Variants in SLC8A1 observed in about 807,000 individuals in gnomAD.
SLC8A1 encodes solute carrier family 8 member A1.
SLC8A1 carries 18 observed loss-of-function variants against 68.3 expected under a neutral mutation model. The observed-to-expected ratio is 0.26, with a 90% confidence interval of 0.18 to 0.39. The LOEUF (loss-of-function observed/expected upper bound fraction) is 0.39. Among genes scored for constraint, SLC8A1 ranks in the 10% least tolerant of loss-of-function variants. The pLI, the probability that SLC8A1 is intolerant of heterozygous loss-of-function variation, is 1.00. For synonymous variants in SLC8A1, 475 were observed against 415.5 expected (o/e 1.14, Z -1.74); for missense variants, 985 against 1,156.7 (o/e 0.85, Z 2.15).
intron 2 of SLC8A1, among the ~76,000 whole-genome samples, chr2:40,223,221 A>G (rs1206166802): frequency 6.6e-6 from 1 of 152,244 alleles, no homozygotes; most frequent in African/African-American, 2.4e-5. Flanking sequence ...TTGCAGGGAC[A>G]TGGATGAAGT....
At chr2:40,154,007 A>G (rs2043938554) in intron 6 of SLC8A1, among the ~76,000 whole-genome samples, 1 of 152,196 alleles carries the variant, frequency 6.6e-6, no homozygotes. Flanking sequence ...AACCTAAACT[A>G]AAGTTGTAGG....
At chr2:40,206,496 C>G (rs2055476217) in intron 2 of SLC8A1, among the ~76,000 whole-genome samples, 1 of 152,000 alleles carries the variant, frequency 6.6e-6, no homozygotes, top group Non-Finnish European at 1.5e-5. Flanking sequence ...AAGGATTCTT[C>G]CTTCTTTTTA....
chr2:40,511,763 A>C (rs1706740868), intron 1 of SLC8A1, among the ~76,000 whole-genome samples: 2 of 152,182 alleles, frequency 1.3e-5, no homozygotes, highest in Non-Finnish European at 2.9e-5. Flanking sequence ...AGCAACTTCA[A>C]CTTGCGTAAG....
chr2:40,279,306 A>T (rs2067188869), intron 2 of SLC8A1, among the ~76,000 whole-genome samples: 1 of 152,220 alleles, frequency 6.6e-6, no homozygotes, highest in Non-Finnish European at 1.5e-5. Flanking sequence ...AAGCAGGCAC[A>T]GGGCACTTGG....
intron 2 of SLC8A1, among the ~76,000 whole-genome samples, chr2:40,332,210 T>A (rs2076488003): frequency 6.6e-6 from 1 of 152,160 alleles, no homozygotes; most frequent in African/African-American, 2.4e-5. Flanking sequence ...CCTTTCTAAA[T>A]GTCACAGGCT....
chr2:40,396,213 T>C (rs909834931), intron 2 of SLC8A1, among the ~76,000 whole-genome samples: 2 of 152,172 alleles, frequency 1.3e-5, no homozygotes, highest in Non-Finnish European at 2.9e-5. Flanking sequence ...GTAGCAAATA[T>C]GCATTCAATT....
At chr2:40,271,937 G>C (rs528580795) in intron 2 of SLC8A1, among the ~76,000 whole-genome samples, 2 of 152,006 alleles carry the variant, frequency 1.3e-5, no homozygotes, top group African/African-American at 4.8e-5. Context: ...AACCGTCATA[G>C]CTCACTGCAG....
At chr2:40,305,901 A>T (rs368940619) in intron 2 of SLC8A1, among the ~76,000 whole-genome samples, 1 of 152,222 alleles carries the variant, frequency 6.6e-6, no homozygotes, top group Non-Finnish European at 1.5e-5. Flanking sequence ...GCACATTCCT[A>T]TCAGACAACA....
At chr2:40,322,845 CA>C in intron 2 of SLC8A1, among the ~76,000 whole-genome samples, 4 of 151,356 alleles carry the variant, frequency 2.6e-5, no homozygotes, top group East Asian at 3.9e-4. Context: ...CACACACACA[CA>C]CACACCACAC....
At chr2:40,129,234 ATT>A (rs66846961) in intron 7 of SLC8A1, among the ~76,000 whole-genome samples, 41 of 144,018 alleles carry the variant, frequency 2.8e-4, no homozygotes, top group African/African-American at 3.3e-4. Context: ...GAGATGTTTC[ATT>A]TTTTTTTTTT....
intron 2 of SLC8A1, among the ~76,000 whole-genome samples, chr2:40,216,354 A>C (rs930097709): frequency 6.6e-6 from 1 of 152,198 alleles, no homozygotes; most frequent in African/African-American, 2.4e-5. Context: ...TCATGGTTGC[A>C]GAGTATTCCA....
At chr2:40,452,433 G>A (rs976637858), upstream of SLC8A1, among the ~76,000 whole-genome samples, 1 of 152,098 alleles carries the variant, frequency 6.6e-6, no homozygotes, top group Non-Finnish European at 1.5e-5. Flanking sequence ...CGTTGTGGCC[G>A]CGCGCTAGCG....
At chr2:40,488,108 A>G (rs536001758) in intron 1 of SLC8A1, among the ~76,000 whole-genome samples, 40 of 152,198 alleles carry the variant, frequency 2.6e-4, no homozygotes, top group African/African-American at 9.6e-4. Context: ...AAGAGCTACT[A>G]AAAGGTGGAT....
In SLC8A1 at chr2:40,298,565, G is replaced by A. The variant is rs538461436; in HGVS notation, c.1809-120710C>T. Among the ~76,000 whole-genome samples the A allele has an allele frequency of 2.0e-5, 3 of 152,244 alleles. No individual in the cohort carries two copies. The East Asian group carries it at 5.8e-4, about 29-fold the overall frequency. ...ACAAAATATTCACAAATATTCTGCT[G>A]TCCCTCAAGCTGATGAATTAATCTT... On this transcript the variant is annotated intron_variant, in intron 2 of 7. Transcript: ENST00000406785.
At chr2:40,249,901 TATTTTG>T (rs1041439563) in intron 2 of SLC8A1, among the ~76,000 whole-genome samples, 63 of 152,298 alleles carry the variant, frequency 4.1e-4, no homozygotes, top group African/African-American at 1.5e-3. Context: ...GAAAAAAATA[TATTTTG>T]ATAAGTAGCA....
chr2:40,185,081 A>T (rs1428574), intron 2 of SLC8A1, among the ~76,000 whole-genome samples: 18,021 of 152,104 alleles, frequency 0.12, 1,149 homozygotes, highest in African/African-American at 0.13. Flanking sequence ...CCCACTAGGA[A>T]GACTACGATA....
At chr2:40,300,118 C>A (rs1293651221) in intron 2 of SLC8A1, among the ~76,000 whole-genome samples, 1 of 152,086 alleles carries the variant, frequency 6.6e-6, no homozygotes, top group Non-Finnish European at 1.5e-5. Flanking sequence ...CCAACCCAGC[C>A]CTGAGGGCCC....
intron 1 of SLC8A1, among the ~76,000 whole-genome samples, chr2:40,465,096 G>T (rs1703586205): frequency 6.6e-6 from 1 of 152,226 alleles, no homozygotes; most frequent in African/African-American, 2.4e-5. Context: ...GTCAACTAGG[G>T]TTGTACCACT....
chr2:40,215,850 C>G (rs939673061), intron 2 of SLC8A1, among the ~76,000 whole-genome samples: 1 of 151,922 alleles, frequency 6.6e-6, no homozygotes, highest in African/African-American at 2.4e-5. Context: ...ACCTGAAAAT[C>G]TATTCCAATC....
Sources: gnomAD v4.1 joint callset for allele counts (sites outside exome capture counted in the v4.1 genomes callset) on GRCh38, gnomAD v4.1.1 for gene constraint, MANE v1.5 for transcripts, NCBI Gene and HGNC (gene_info 2026-07-23, HGNC 2026-07-21) for gene names.